REPS2: variants seen among roughly 807,000 people sequenced by gnomAD.
The protein encoded by REPS2 is ralBP1-associated Eps domain-containing protein 2.
A neutral mutation model predicts 53.6 loss-of-function variants in REPS2; 23 were observed. That is an observed-to-expected ratio of 0.43 (90% CI 0.31 to 0.61). The LOEUF (loss-of-function observed/expected upper bound fraction) is 0.61. Ranked by LOEUF, REPS2 falls within the 20% of genes least tolerant of loss-of-function variation. The pLI, the probability that REPS2 is intolerant of heterozygous loss-of-function variation, is 0.11. For missense variants in REPS2, 446 were observed against 534.9 expected (o/e 0.83, Z 1.64); for synonymous variants, 238 against 218.6 (o/e 1.09, Z -0.78).
intron 5 of REPS2, among the ~76,000 whole-genome samples, chrX:17,030,251 G>A (rs2061690932): frequency 9.0e-6 from 1 of 111,532 alleles, no homozygotes; most frequent in African/African-American, 3.3e-5. Context: ...TTCTCTGTCT[G>A]CAGCTGTTGC....
rs58530978 is a variant in REPS2 at position 17,093,166 on chromosome X, C to CTATA, written c.1517-10521_1517-10518dup. 4.8e-3 allele frequency among the ~76,000 whole-genome samples: 189 copies of CTATA among 39,092 alleles called. 7 individuals carry two copies. The highest frequency in any genetic ancestry group is 0.019 in the African/African-American group (156 of 8,355). The allele number at this position is 39,092 out of a possible 115,157, so 33.9% of individuals were successfully genotyped here. On this transcript the variant is annotated intron_variant, in intron 13 of 17. Coordinates refer to ENST00000357277, the MANE Select transcript of REPS2 (RefSeq NM_004726.3). The stretch of plus-strand genomic sequence containing the variant: ...ACAAGGAAAAATGCATGAGTTAATG[C>CTATA]TATATATATATATATATATATATAT...
At chrX:17,085,565 A>G in intron 13 of REPS2, among the ~76,000 whole-genome samples, 1 of 112,293 alleles carries the variant, frequency 8.9e-6, no homozygotes, top group Non-Finnish European at 1.9e-5. Context: ...ACAATGTTTC[A>G]GTATACAAGT....
intron 5 of REPS2, among the ~76,000 whole-genome samples, chrX:17,038,414 G>A (rs1377921531): frequency 8.9e-6 from 1 of 111,884 alleles, no homozygotes; most frequent in African/African-American, 3.3e-5. Flanking sequence ...CTCCAAAACC[G>A]CACAGCAGAG....
At chrX:17,011,187 A>G (rs1471445999) in intron 2 of REPS2, among the ~76,000 whole-genome samples, 9 of 110,346 alleles carry the variant, frequency 8.2e-5, no homozygotes, top group Admixed American at 3.9e-4. Context: ...GCAAGTGCCG[A>G]CTCTACATTT....
At chrX:16,984,331 C>T (rs1289831802) in intron 1 of REPS2, among the ~76,000 whole-genome samples, 1 of 112,186 alleles carries the variant, frequency 8.9e-6, no homozygotes, top group East Asian at 2.8e-4. Flanking sequence ...GGCAGCTGGC[C>T]TCCTTCAGAG....
At chrX:17,076,768 GTTTTCCTTT>G (rs2062387251) in intron 12 of REPS2, among the ~76,000 whole-genome samples, 1 of 111,815 alleles carries the variant, frequency 8.9e-6, no homozygotes, top group Non-Finnish European at 1.9e-5. Flanking sequence ...ATTGATGTGT[GTTTTCCTTT>G]CCCAGCTTCG....
At chrX:16,992,165 G>T (rs1369106024) in intron 1 of REPS2, among the ~76,000 whole-genome samples, 1 of 111,105 alleles carries the variant, frequency 9.0e-6, no homozygotes, top group African/African-American at 3.3e-5. Context: ...GGAGGTGCAT[G>T]AGGGCAGAGC....
chrX:17,044,184 G>A (rs1261907904), intron 5 of REPS2, among the ~76,000 whole-genome samples: 1 of 111,111 alleles, frequency 9.0e-6, no homozygotes, highest in Non-Finnish European at 1.9e-5. Flanking sequence ...GATGTCAAGA[G>A]GAGCTAGAAA....
At chrX:17,114,778 CTA>C (rs1234848211) in intron 14 of REPS2, among the ~76,000 whole-genome samples, 1 of 111,919 alleles carries the variant, frequency 8.9e-6, no homozygotes, top group Non-Finnish European at 1.9e-5. Flanking sequence ...TTTTTTAAAT[CTA>C]TGTTCTTTGG....
At chrX:17,154,063 C>T (rs1425202427), downstream of REPS2, among the ~76,000 whole-genome samples, 1 of 111,710 alleles carries the variant, frequency 9.0e-6, no homozygotes, top group Non-Finnish European at 1.9e-5. Flanking sequence ...GAATCAGGAA[C>T]CCTGGTAGTG....
intron 13 of REPS2, among the ~76,000 whole-genome samples, chrX:17,081,717 G>T (rs1285496830): frequency 2.7e-5 from 3 of 111,963 alleles, no homozygotes; most frequent in African/African-American, 9.7e-5. Context: ...CACTATGATC[G>T]CTGTGTGTAA....
At chrX:17,080,268 C>G (rs189968391) in intron 13 of REPS2, among the ~76,000 whole-genome samples, 74 of 105,320 alleles carry the variant, frequency 7.0e-4, no homozygotes, top group Non-Finnish European at 1.2e-3. Flanking sequence ...CACCCCACGA[C>G]CCCAGCCCCC....
chrX:17,000,247 G>A lies in REPS2; in HGVS notation c.274-5974G>A, dbSNP rs1489167336. Among the ~76,000 whole-genome samples, 4 of 110,953 alleles carry A rather than the reference G, an allele frequency of 3.6e-5. No individual in the cohort carries two copies. In the East Asian group the frequency reaches 1.1e-3, roughly 31 times the overall value. ...TAAATGGGTGAAAAATGGGGGCTGA[G>A]GAAGAAGGTGAATACATGTGTTTTC... On this transcript the variant is annotated intron_variant, in intron 1 of 17. Coordinates refer to ENST00000357277, the MANE Select transcript of REPS2 (RefSeq NM_004726.3).
chrX:17,186,141 C>T, the REPS2 span, among the ~76,000 whole-genome samples: 2 of 112,079 alleles, frequency 1.8e-5, no homozygotes, highest in African/African-American at 6.5e-5. Flanking sequence ...GCTGACCTAC[C>T]ATATTTGCAG....
intron 1 of REPS2, among the ~76,000 whole-genome samples, chrX:16,950,503 A>G (rs892612715): frequency 1.8e-5 from 2 of 112,363 alleles, no homozygotes; most frequent in African/African-American, 6.5e-5. Context: ...TTGCGTTCCC[A>G]TCAGCAATGC....
chrX:17,142,421 G>A (rs914707554), intron 17 of REPS2, among the ~76,000 whole-genome samples: 2 of 111,377 alleles, frequency 1.8e-5, no homozygotes, highest in Non-Finnish European at 3.8e-5. Context: ...GCTGCTGAGT[G>A]GGAGAAAGTA....
chrX:17,077,416 C>T lies in REPS2; in HGVS notation c.1516+9C>T, dbSNP rs1275527899. 2.5e-6 allele frequency: 3 copies of T among 1,182,100 alleles called. No individual in the cohort carries two copies. Among genetic ancestry groups the T allele is most frequent in the Non-Finnish European group, 2.3e-6 (2 of 881,522 alleles). On this transcript the variant is annotated intron_variant, in intron 13 of 17. Transcript: ENST00000357277. ...CCAGCCCAGTGTGCCAGGTGAAGTG[C>T]CCCTTGCCCCCTGAGCCCTTCCATT...
chrX:17,133,738 G>T (rs930240294), intron 14 of REPS2, 86 bp from the exon 15 acceptor site: 3 of 835,205 alleles, frequency 3.6e-6, no homozygotes, highest in South Asian at 2.1e-5. Context: ...TTTTCCCTTG[G>T]TGACTATCTT....
chrX:17,024,363 GTTTTTTTTTTT>G (rs900082438), intron 3 of REPS2, among the ~76,000 whole-genome samples: 1 of 71,691 alleles, frequency 1.4e-5, no homozygotes, highest in Non-Finnish European at 2.5e-5. Context: ...TACTAGTAAA[GTTTTTTTTTTT>G]TTTTTTTTTT....
Sources: allele counts gnomAD v4.1 joint callset (sites outside exome capture counted in the v4.1 genomes callset), GRCh38; gene constraint gnomAD v4.1.1; transcripts MANE v1.5; gene names NCBI Gene and HGNC (gene_info 2026-07-23, HGNC 2026-07-21).